Variants in ZNF469 observed in about 807,000 individuals in gnomAD.
The protein encoded by ZNF469 is zinc finger protein 469.
In ZNF469, 1 loss-of-function variant was observed where a neutral mutation model predicts 1.0. The observed-to-expected ratio is 1.00, with a 90% confidence interval of 0.35 to 4.73. ZNF469 has a LOEUF of 4.73. Among genes scored for constraint, ZNF469 ranks in the 30% most tolerant of loss-of-function variants. The pLI, the probability that ZNF469 is intolerant of heterozygous loss-of-function variation, is 0.16. For synonymous variants in ZNF469, 2,703 were observed against 2,363.4 expected (o/e 1.14, Z -4.17); for missense variants, 6,100 against 5,356.3 (o/e 1.14, Z -4.33).
the ZNF469 span, among the ~76,000 whole-genome samples, chr16:88,240,102 C>T: frequency 3.1e-4 from 47 of 150,940 alleles, no homozygotes; most frequent in Middle Eastern, 3.4e-3. Flanking sequence ...GACCCTGAGC[C>T]GGCGATGCTG....
the ZNF469 span, among the ~76,000 whole-genome samples, chr16:88,236,280 A>T: frequency 1.3e-5 from 2 of 152,240 alleles, no homozygotes; most frequent in African/African-American, 4.8e-5. Context: ...GCCGTTTAAA[A>T]TTATGTCAAA....
the ZNF469 span, among the ~76,000 whole-genome samples, chr16:88,346,485 C>T: frequency 6.6e-6 from 1 of 152,242 alleles, no homozygotes; most frequent in African/African-American, 2.4e-5. Flanking sequence ...GCAAACCCTA[C>T]AGCAGGACCG....
the ZNF469 span, among the ~76,000 whole-genome samples, chr16:88,267,959 C>G: frequency 6.6e-6 from 1 of 151,922 alleles, no homozygotes; most frequent in African/African-American, 2.4e-5. Context: ...CCCCCGGCAG[C>G]AAGGGAACCG....
upstream of ZNF469, among the ~76,000 whole-genome samples, chr16:88,378,994 T>C (rs1020421644): frequency 6.6e-6 from 1 of 152,098 alleles, no homozygotes; most frequent in African/African-American, 2.4e-5. Flanking sequence ...TGGACGGGTG[T>C]CCACACACCC....
the ZNF469 span, among the ~76,000 whole-genome samples, chr16:88,300,801 A>G: frequency 2.6e-5 from 4 of 152,130 alleles, no homozygotes; most frequent in East Asian, 7.8e-4. Context: ...GCGGTGGCTC[A>G]CGCATGTGAT....
chr16:88,202,339 G>T, the ZNF469 span, among the ~76,000 whole-genome samples: 1 of 152,144 alleles, frequency 6.6e-6, no homozygotes, highest in Non-Finnish European at 1.5e-5. Context: ...GCTTTGGCTC[G>T]GGCTCAGGAC....
the ZNF469 span, among the ~76,000 whole-genome samples, chr16:88,360,554 C>T: frequency 8.0e-6 from 1 of 125,056 alleles, no homozygotes. Flanking sequence ...AGGCAGTCCA[C>T]CCCCAGACAG....
chr16:88,297,646 A>C, the ZNF469 span, among the ~76,000 whole-genome samples: 1 of 151,904 alleles, frequency 6.6e-6, no homozygotes, highest in East Asian at 1.9e-4. Context: ...CGGCATCTTC[A>C]TCTCTCTCTG....
chr16:88,338,112 T>C, the ZNF469 span, among the ~76,000 whole-genome samples: 2 of 139,260 alleles, frequency 1.4e-5, no homozygotes, highest in African/African-American at 6.0e-5. Flanking sequence ...AGACATCCCA[T>C]GGCCCATGGG....
At position 88,428,157 on chromosome 16, in the gene ZNF469, C is replaced by T. The variant is rs1905831952; in HGVS notation, c.687C>T (p.Ala229=). ...CCGGTTCCTATCCCGAATACCAGGC[C>T]AGTGGGGCCGACTCCTGGCCTCCCG... The part of the protein sequence containing the change: ...LQPGSYPEYQ[A]SGADSWPPAA... Residue 229 remains alanine (A), a synonymous_variant, in exon 3 of 3, where the codon GCC becomes GCT. Transcript: ENST00000565624. The T allele has an allele frequency of 1.3e-5, 20 of 1,550,096 alleles. No homozygotes were observed. Among genetic ancestry groups the T allele is most frequent in the Non-Finnish European group, 1.7e-5 (20 of 1,146,910 alleles).
At chr16:88,217,214 G>A in the ZNF469 span, among the ~76,000 whole-genome samples, 3 of 151,990 alleles carry the variant, frequency 2.0e-5, no homozygotes, top group African/African-American at 4.8e-5. Context: ...CCCACACAGA[G>A]GGTTTACCCT....
At chr16:88,262,337 A>G in the ZNF469 span, among the ~76,000 whole-genome samples, 1 of 152,200 alleles carries the variant, frequency 6.6e-6, no homozygotes, top group Admixed American at 6.5e-5. This position sits in a 1 kb window ranked among gnomAD's most constrained non-coding sequence, Gnocchi z 4.3. Context: ...TGGCTGCTCA[A>G]AGAGCCGAGG....
chr16:88,236,426 G>A, the ZNF469 span, among the ~76,000 whole-genome samples: 1 of 152,236 alleles, frequency 6.6e-6, no homozygotes, highest in South Asian at 2.1e-4. Context: ...GTGCTGGTCA[G>A]CTGGGCCTGA....
At chr16:88,359,049 G>A in the ZNF469 span, among the ~76,000 whole-genome samples, 6 of 152,218 alleles carry the variant, frequency 3.9e-5, no homozygotes, top group South Asian at 2.1e-4. Flanking sequence ...TCACCGAGTC[G>A]TTGGCTGTGC....
chr16:88,418,171 C>T (rs924921864), intron 1 of ZNF469, among the ~76,000 whole-genome samples: 12 of 152,226 alleles, frequency 7.9e-5, no homozygotes, highest in African/African-American at 2.9e-4. Flanking sequence ...CGGCCCCAAC[C>T]GGTGTGATGC....
At chr16:88,196,812 G>C in the ZNF469 span, among the ~76,000 whole-genome samples, 1 of 152,336 alleles carries the variant, frequency 6.6e-6, no homozygotes, top group African/African-American at 2.4e-5. Flanking sequence ...GCCGGAGACT[G>C]AGCACTGTTT....
At chr16:88,112,130 C>T in the ZNF469 span, among the ~76,000 whole-genome samples, 1 of 152,144 alleles carries the variant, frequency 6.6e-6, no homozygotes, top group Non-Finnish European at 1.5e-5. Context: ...ATACTGTGAA[C>T]AGTGCTGCAG....
At chr16:88,261,022 C>A in the ZNF469 span, among the ~76,000 whole-genome samples, 16 of 152,138 alleles carry the variant, frequency 1.1e-4, no homozygotes, top group African/African-American at 3.9e-4. This position sits in a 1 kb window ranked among gnomAD's most constrained non-coding sequence, Gnocchi z 6.0. Context: ...AAATGGGGAG[C>A]CCGGGCCAGC....
chr16:88,353,061 G>A, the ZNF469 span, among the ~76,000 whole-genome samples: 2 of 152,168 alleles, frequency 1.3e-5, no homozygotes, highest in Admixed American at 1.3e-4. Context: ...GAGAGACCAG[G>A]CTCAGGCTCA....
Sources: allele counts gnomAD v4.1 joint callset (sites outside exome capture counted in the v4.1 genomes callset), GRCh38; gene constraint gnomAD v4.1.1; non-coding constraint Gnocchi (gnomAD v3.1); transcripts MANE v1.5; gene names NCBI Gene and HGNC (gene_info 2026-07-23, HGNC 2026-07-21).